Variants in DST observed in about 807,000 individuals in gnomAD.
DST encodes bullous pemphigoid antigen.
In DST, 253 loss-of-function variants were observed where a neutral mutation model predicts 875.2. The ratio of observed to expected loss-of-function variants is 0.29; its 90% confidence interval spans 0.26 to 0.32. The LOEUF (loss-of-function observed/expected upper bound fraction) is 0.32, where lower values mean the gene tolerates loss of function less well. Among genes scored for constraint, DST ranks in the 10% least tolerant of loss-of-function variants. The probability of loss-of-function intolerance (pLI) is 1.00; values close to 1 mark genes in which losing one functional copy is unlikely to be tolerated. For missense variants in DST, 8,287 were observed against 9,111.6 expected, an observed-to-expected ratio of 0.91 and a Z score of 3.68; for synonymous variants, 3,124 against 3,197.1, an observed-to-expected ratio of 0.98 and a Z score of 0.77.
chr6:56,584,880 A>G (rs2098114264), intron 49 of DST, among the ~76,000 whole-genome samples: 1 of 152,072 alleles, frequency 6.6e-6, no homozygotes, highest in Non-Finnish European at 1.5e-5. Flanking sequence ...GGTTCTGTTT[A>G]TATGCTGCAT....
intron 73 of DST, among the ~76,000 whole-genome samples, chr6:56,510,555 T>A (rs184442926): frequency 1.4e-3 from 211 of 152,278 alleles, no homozygotes; most frequent in African/African-American, 4.8e-3. Context: ...AAAGGTTCCA[T>A]AGACAATTAA....
intron 79 of DST, 75 bp downstream of exon 79, chr6:56,501,445 A>G (rs986540950): frequency 2.4e-5 from 30 of 1,241,250 alleles, no homozygotes; most frequent in Non-Finnish European, 3.3e-5. Flanking sequence ...TTCTAATTTT[A>G]TCTTTAATAA....
intron 2 of DST, among the ~76,000 whole-genome samples, chr6:56,913,876 C>G (rs1284374603): frequency 2.0e-5 from 3 of 152,168 alleles, no homozygotes; most frequent in African/African-American, 7.2e-5. Flanking sequence ...GGATTATTTT[C>G]CTAATCTGAT....
At chr6:56,727,106 T>C (rs570202363) in intron 5 of DST, among the ~76,000 whole-genome samples, 2 of 152,316 alleles carry the variant, frequency 1.3e-5, no homozygotes, top group East Asian at 1.9e-4. Flanking sequence ...AGTCACCCTC[T>C]GCTCACTGAG....
chr6:56,531,331 T>C (rs1456796743), intron 64 of DST, among the ~76,000 whole-genome samples: 1 of 152,164 alleles, frequency 6.6e-6, no homozygotes, highest in Non-Finnish European at 1.5e-5. Flanking sequence ...AAAAGAAGAC[T>C]AGTTATGGTA....
At chr6:56,665,800 A>G (rs2099069491) in intron 10 of DST, among the ~76,000 whole-genome samples, 1 of 152,170 alleles carries the variant, frequency 6.6e-6, no homozygotes. Flanking sequence ...CAATATACCC[A>G]AGTAACAAAC....
chr6:56,566,467 T>G (rs1585079114), intron 55 of DST, among the ~76,000 whole-genome samples: 1 of 152,156 alleles, frequency 6.6e-6, no homozygotes, highest in African/African-American at 2.4e-5. Flanking sequence ...TTCCGACCCC[T>G]TGTGCTTCCG....
chr6:56,478,693 C>A (rs940542921), intron 90 of DST, among the ~76,000 whole-genome samples: 2 of 152,148 alleles, frequency 1.3e-5, no homozygotes, highest in Non-Finnish European at 2.9e-5. Flanking sequence ...TCTCTCTGGA[C>A]CCCTGCACCA....
intron 10 of DST, among the ~76,000 whole-genome samples, chr6:56,666,220 T>C (rs2099071550): frequency 6.6e-6 from 1 of 152,178 alleles, no homozygotes. Flanking sequence ...TCATATTCTA[T>C]ATGGAAACAC....
At chr6:56,474,857 G>A (rs2095088490) in intron 92 of DST, among the ~76,000 whole-genome samples, 1 of 151,254 alleles carries the variant, frequency 6.6e-6, no homozygotes, top group African/African-American at 2.4e-5. Flanking sequence ...TACACAGGAG[G>A]CTGAGGTGGG....
chr6:56,616,000 T>A lies in DST; in HGVS notation c.4930-1516A>T, dbSNP rs914893241. The A allele has an allele frequency of 2.5e-6, 4 of 1,614,200 alleles. No homozygotes were observed. In the South Asian group the frequency reaches 4.4e-5, roughly 18 times the overall value. ...ACTTTTTGCCAGTAAGAGGATCAAT[T>A]ATGCCCCCTGTACTGACTTGGGCTT... is the stretch of plus-strand genomic sequence containing the variant. On this transcript the variant is annotated intron_variant, in intron 36 of 103. Transcript: ENST00000680361.
At chr6:56,696,574 A>C (rs936919344) in intron 9 of DST, among the ~76,000 whole-genome samples, 1 of 152,016 alleles carries the variant, frequency 6.6e-6, no homozygotes, top group Non-Finnish European at 1.5e-5. Context: ...TTTTGCTTTA[A>C]ATTTTCTCAA....
intron 87 of DST, 22 bp from the exon 88 acceptor site, chr6:56,485,493 T>C: frequency 1.9e-6 from 3 of 1,606,516 alleles, no homozygotes; most frequent in Non-Finnish European, 2.6e-6. Context: ...GGTAGAAAAA[T>C]TGATCCTTGC....
At chr6:56,650,268 C>G (rs924318332) in intron 12 of DST, among the ~76,000 whole-genome samples, 3 of 135,168 alleles carry the variant, frequency 2.2e-5, no homozygotes, top group Non-Finnish European at 3.1e-5. Flanking sequence ...ATATGTGACA[C>G]ATACTGGGCT....
chr6:56,654,220 T>C (rs994676652), intron 10 of DST, among the ~76,000 whole-genome samples: 2 of 152,186 alleles, frequency 1.3e-5, no homozygotes, highest in Non-Finnish European at 1.5e-5. Flanking sequence ...TTTATTATTC[T>C]ATGATAATGT....
Position 56,954,507 on chromosome 6 carries a change from G to T in DST, c.81C>A (p.Gly27=), listed in dbSNP as rs763408040. 7.3e-7 allele frequency: 1 copy of T among 1,367,512 alleles called. No homozygotes were observed. Among genetic ancestry groups the T allele is most frequent in the Non-Finnish European group, 9.8e-7 (1 of 1,021,808 alleles). 84.7% of individuals were successfully genotyped at this position (1,367,512 alleles called of 1,614,324 possible). The part of the protein sequence containing the change: ...CALFLLLLLL[G]TIATIVFFCC... ...AGAAGAAGACGATGGTGGCGATGGT[G>T]CCCAGCAGAAGCAACAAGAGGAAGA... The change falls in exon 1 of 104, where the codon GGC becomes GGA. Residue 27 remains glycine, a synonymous_variant. Coordinates refer to ENST00000680361, the MANE Select transcript of DST (RefSeq NM_001374736.1).
At chr6:56,507,684 G>T (rs1005230138) in intron 75 of DST, among the ~76,000 whole-genome samples, 5 of 152,154 alleles carry the variant, frequency 3.3e-5, no homozygotes, top group Non-Finnish European at 7.4e-5. Flanking sequence ...TTTGGGAAAC[G>T]CCCTTTCTAA....
rs1349653762 is a variant in DST, at chr6:56,894,963, C to T, written c.417+5458G>A. On this transcript the variant is annotated intron_variant, in intron 3 of 103. Coordinates refer to ENST00000680361, the MANE Select transcript of DST (RefSeq NM_001374736.1). ...GGCGCCCCTCACCTCCCGGACGGGG[C>T]GGCTGGCCAGGCGGGGGGCTGACCC... Among the ~76,000 whole-genome samples the T allele has an allele frequency of 7.6e-4, 73 of 96,260 alleles. 5 individuals are homozygous for T. Among genetic ancestry groups the T allele is most frequent in the African/African-American group, 3.9e-3 (69 of 17,612 alleles). 63.2% of individuals were successfully genotyped at this position (96,260 alleles called of 152,430 possible).
chr6:56,504,647 G>A (rs1231194375), intron 77 of DST, among the ~76,000 whole-genome samples: 1 of 151,956 alleles, frequency 6.6e-6, no homozygotes, highest in East Asian at 1.9e-4. Context: ...TATTTATTTA[G>A]GTAATAAAAA....
Sources: allele counts gnomAD v4.1 joint callset (sites outside exome capture counted in the v4.1 genomes callset), GRCh38; gene constraint gnomAD v4.1.1; transcripts MANE v1.5; gene names NCBI Gene and HGNC (gene_info 2026-07-23, HGNC 2026-07-21).